The following MACC1 variants were observed in gnomAD, a reference collection of about 807,000 sequenced individuals.
The protein encoded by MACC1 is MET transcriptional regulator MACC1.
In MACC1, 79 loss-of-function variants were observed where a neutral mutation model predicts 70.7. The observed-to-expected ratio is 1.12, with a 90% CI of 0.93 to 1.35. The LOEUF (loss-of-function observed/expected upper bound fraction) is 1.35, where lower values mean the gene tolerates loss of function less well. Among genes scored for constraint, MACC1 ranks in the 40% most tolerant of loss-of-function variants. The pLI is 0.00. For missense variants in MACC1, 1,106 were observed against 978.1 expected, an observed-to-expected ratio of 1.13 and a Z score of -1.74; for synonymous variants, 361 against 347.2, an observed-to-expected ratio of 1.04 and a Z score of -0.44.
chr7:20,167,632 A>T (rs1483885093), intron 2 of MACC1, among the ~76,000 whole-genome samples: 2 of 151,424 alleles, frequency 1.3e-5, no homozygotes, highest in Non-Finnish European at 2.9e-5. Context: ...TTTGAACTCT[A>T]CACAACACTT....
chr7:20,167,996 C>G (rs972307405), intron 2 of MACC1, among the ~76,000 whole-genome samples: 1 of 152,110 alleles, frequency 6.6e-6, no homozygotes, highest in African/African-American at 2.4e-5. Context: ...ACTAAAATTA[C>G]AAGGGGCCAT....
rs1782116713 is a variant in MACC1 at position 20,159,891 on chromosome 7, A to G, written c.470T>C (p.Ile157Thr). Residue 157 changes from isoleucine (I) to threonine (T), a missense_variant, in exon 5 of 7, where the codon ATA becomes ACA. Ile to Thr is a moderately conservative substitution (Grantham distance 89, BLOSUM62 -1). Coordinates refer to ENST00000400331, the MANE Select transcript of MACC1 (RefSeq NM_182762.4). ...TAGTAGGATCTGGTCAGAGTTATGT[A>G]TACTCTGATGGGCATGTGCTGTGTC... is the stretch of plus-strand genomic sequence containing the variant. ...LDDTAHAHQS[I>T]HNSDQILLHD... is the part of the protein sequence containing the mutation. 1 of 1,614,082 alleles carries G rather than the reference A, an allele frequency of 6.2e-7. No individual in the cohort carries two copies. Among genetic ancestry groups the G allele is most frequent in the South Asian group, 1.1e-5 (1 of 91,074 alleles).
chr7:20,199,346 T>G (rs1406780499), intron 1 of MACC1, among the ~76,000 whole-genome samples: 1 of 152,260 alleles, frequency 6.6e-6, no homozygotes, highest in Non-Finnish European at 1.5e-5. Flanking sequence ...ATGGAAAAAG[T>G]AAGCATTGTC....
At chr7:20,162,736 A>T (rs1045068183) in intron 3 of MACC1, among the ~76,000 whole-genome samples, 1 of 152,186 alleles carries the variant, frequency 6.6e-6, no homozygotes, top group Non-Finnish European at 1.5e-5. Context: ...ATGCTAAAAA[A>T]ATATTACATT....
At chr7:20,157,106 CTT>C (rs1170819594) in intron 5 of MACC1, among the ~76,000 whole-genome samples, 1 of 152,134 alleles carries the variant, frequency 6.6e-6, no homozygotes, top group East Asian at 1.9e-4. Flanking sequence ...AATTGTCTAA[CTT>C]TTTAAGACTT....
chr7:20,144,856 C>A (rs1562580160), intron 6 of MACC1, among the ~76,000 whole-genome samples: 1 of 151,944 alleles, frequency 6.6e-6, no homozygotes, highest in South Asian at 2.1e-4. Context: ...TCAACTAAGT[C>A]AATTATTAGT....
intron 1 of MACC1, among the ~76,000 whole-genome samples, chr7:20,201,234 C>T (rs949693538): frequency 6.6e-6 from 1 of 152,150 alleles, no homozygotes; most frequent in African/African-American, 2.4e-5. Flanking sequence ...GGCTCTCAGA[C>T]TGTCCCCCCC....
intron 1 of MACC1, among the ~76,000 whole-genome samples, chr7:20,189,218 C>G (rs1782635867): frequency 6.6e-6 from 1 of 152,194 alleles, no homozygotes; most frequent in South Asian, 2.1e-4. Flanking sequence ...TTGTACTTCT[C>G]TGCCTTATTT....
At chr7:20,149,768 AT>A (rs1263000981) in intron 6 of MACC1, among the ~76,000 whole-genome samples, 1 of 152,096 alleles carries the variant, frequency 6.6e-6, no homozygotes, top group Non-Finnish European at 1.5e-5. Flanking sequence ...TTCCTCTCCA[AT>A]TACTCAAAGG....
At chr7:20,156,241 C>A (rs1307277364) in intron 5 of MACC1, among the ~76,000 whole-genome samples, 2 of 152,126 alleles carry the variant, frequency 1.3e-5, no homozygotes, top group African/African-American at 4.8e-5. Context: ...ACTCTATACC[C>A]CATGCTCCAT....
chr7:20,167,067 C>T (rs989779764), intron 2 of MACC1, among the ~76,000 whole-genome samples: 1 of 152,090 alleles, frequency 6.6e-6, no homozygotes, highest in African/African-American at 2.4e-5. Context: ...AAAAGATAAT[C>T]ATAAGAGCTA....
intron 1 of MACC1, among the ~76,000 whole-genome samples, chr7:20,209,085 A>G (rs1335606534): frequency 6.6e-6 from 1 of 152,228 alleles, no homozygotes; most frequent in African/African-American, 2.4e-5. Context: ...CTGGATATCT[A>G]GGCAGAAGTT....
intron 1 of MACC1, among the ~76,000 whole-genome samples, chr7:20,179,677 T>TA (rs1782469130): frequency 8.9e-6 from 1 of 112,254 alleles, no homozygotes; most frequent in African/African-American, 3.9e-5. Flanking sequence ...CAGGAGTTGT[T>TA]GTTTTTTTTG....
At chr7:20,146,613 C>T (rs148283493) in intron 6 of MACC1, among the ~76,000 whole-genome samples, 43 of 152,340 alleles carry the variant, frequency 2.8e-4, no homozygotes, top group African/African-American at 9.4e-4. Context: ...GAGTTGCAGA[C>T]AGCCAAGATC....
At chr7:20,166,843 T>G (rs1474921580) in intron 2 of MACC1, among the ~76,000 whole-genome samples, 1 of 152,176 alleles carries the variant, frequency 6.6e-6, no homozygotes, top group African/African-American at 2.4e-5. Flanking sequence ...GAACTGAAGT[T>G]CAGGAAAATC....
At position 20,137,778 on chromosome 7, in the gene MACC1, T is replaced by A. The variant is rs1451782742; in HGVS notation, c.*3168A>T. On this transcript the variant is annotated 3_prime_UTR_variant, in exon 7 of 7. Coordinates refer to ENST00000400331, the MANE Select transcript of MACC1 (RefSeq NM_182762.4). ...AAATCCATTATAGCAAGAAAAAATATAAAGTTCAGAAAAGTAGAAACTATT... is the reference window on the plus strand; with the variant it reads ...AAATCCATTATAGCAAGAAAAAATAAAAAGTTCAGAAAAGTAGAAACTATT... 6.6e-6 allele frequency: 1 copy of A among 152,306 alleles called. No individual in the cohort carries two copies. The highest frequency in any genetic ancestry group is 1.5e-5 in the Non-Finnish European group (1 of 68,024). 9.4% of individuals were successfully genotyped at this position (152,306 alleles called of 1,614,324 possible).
chr7:20,213,140 A>G (rs985446880), intron 1 of MACC1, among the ~76,000 whole-genome samples: 1 of 152,232 alleles, frequency 6.6e-6, no homozygotes, highest in African/African-American at 2.4e-5. Context: ...TTTTCAAAAG[A>G]AGACATACAT....
chr7:20,186,450 A>G (rs918499797), intron 1 of MACC1, among the ~76,000 whole-genome samples: 1 of 152,220 alleles, frequency 6.6e-6, no homozygotes, highest in Non-Finnish European at 1.5e-5. Flanking sequence ...GGCTTTTGTC[A>G]TAATAGGGCA....
intron 3 of MACC1, among the ~76,000 whole-genome samples, chr7:20,163,961 A>G (rs1782174170): frequency 1.3e-5 from 2 of 152,154 alleles, no homozygotes; most frequent in South Asian, 2.1e-4. Context: ...TTCAGAGATG[A>G]AGTCTCGCTA....
Sources: allele counts gnomAD v4.1 joint callset (sites outside exome capture counted in the v4.1 genomes callset), GRCh38; gene constraint gnomAD v4.1.1; transcripts MANE v1.5; gene names NCBI Gene and HGNC (gene_info 2026-07-23, HGNC 2026-07-21).